The following CSMD3 variants were observed in gnomAD, a reference collection of about 807,000 sequenced individuals.
CSMD3 encodes the protein CUB and sushi domain-containing protein 3.
A neutral mutation model predicts 435.2 loss-of-function variants in CSMD3; 177 were observed. That is an observed-to-expected ratio of 0.41 (90% CI 0.36 to 0.46). The LOEUF (loss-of-function observed/expected upper bound fraction) is 0.46. CSMD3 is among the 20% of genes least tolerant of loss of function. The probability of loss-of-function intolerance (pLI) is 0.34; values close to 1 mark genes in which losing one functional copy is unlikely to be tolerated. For synonymous variants in CSMD3, 1,656 were observed against 1,520.5 expected (o/e 1.09, Z -2.07); for missense variants, 4,265 against 4,504.6 (o/e 0.95, Z 1.52).
intron 4 of CSMD3, among the ~76,000 whole-genome samples, chr8:113,160,562 A>G (rs966840134): frequency 2.6e-5 from 4 of 152,062 alleles, no homozygotes; most frequent in African/African-American, 9.6e-5. Context: ...AACTTTTGAT[A>G]GTTGGTAGAA....
intron 5 of CSMD3, among the ~76,000 whole-genome samples, chr8:113,033,796 T>C (rs1336327392): frequency 1.3e-5 from 2 of 151,344 alleles, no homozygotes; most frequent in Non-Finnish European, 3.0e-5. Flanking sequence ...ATTATTTGGC[T>C]CTGTATCCCC....
intron 12 of CSMD3, among the ~76,000 whole-genome samples, chr8:112,825,581 G>A (rs1442130488): frequency 6.6e-6 from 1 of 152,074 alleles, no homozygotes; most frequent in Non-Finnish European, 1.5e-5. Flanking sequence ...CAATGGTCAG[G>A]TCCATCTTCT....
intron 22 of CSMD3, among the ~76,000 whole-genome samples, chr8:112,599,173 GA>G (rs756080621): frequency 2.2e-5 from 3 of 135,778 alleles, no homozygotes; most frequent in East Asian, 2.1e-4. Flanking sequence ...AAATTTAAAA[GA>G]AAAAAAAAAC....
At chr8:112,426,447 C>G (rs1177173015) in intron 32 of CSMD3, among the ~76,000 whole-genome samples, 1 of 152,102 alleles carries the variant, frequency 6.6e-6, no homozygotes, top group African/African-American at 2.4e-5. Context: ...TGCCTGGCCA[C>G]TCTGTGACTC....
At chr8:113,022,563 CTAGAAA>C (rs1448179033) in intron 5 of CSMD3, among the ~76,000 whole-genome samples, 1 of 151,536 alleles carries the variant, frequency 6.6e-6, no homozygotes, top group Non-Finnish European at 1.5e-5. Flanking sequence ...TAAAGAATTT[CTAGAAA>C]TAAAGTTTCC....
chr8:112,314,032 C>G lies in CSMD3; in HGVS notation c.7570G>C (p.Val2524Leu), dbSNP rs986833776. The G allele has an allele frequency of 1.4e-5, 22 of 1,609,656 alleles. No individual in the cohort carries two copies. Among genetic ancestry groups the G allele is most frequent in the Non-Finnish European group, 1.7e-5 (20 of 1,176,488 alleles). The change falls in exon 49 of 71, where the codon GTG becomes CTG. Residue 2524 changes from valine (V) to leucine (L), a missense_variant. Val to Leu is a conservative substitution (Grantham distance 32). Coordinates refer to ENST00000297405, the MANE Select transcript of CSMD3 (RefSeq NM_198123.2). ...TAATCCCCACTGAGGGAAATAAGCACTGGACTTTGAATATTTGGTCCTTTG... is the reference window on the plus strand; with the variant it reads ...TAATCCCCACTGAGGGAAATAAGCAGTGGACTTTGAATATTTGGTCCTTTG... ...VYDGPNIQSP[V>L]LISLSGDYSS...
intron 1 of CSMD3, among the ~76,000 whole-genome samples, chr8:113,409,507 T>C (rs1170250529): frequency 1.3e-5 from 2 of 152,232 alleles, no homozygotes; most frequent in Non-Finnish European, 2.9e-5. Flanking sequence ...CACAATGGTA[T>C]GCCTTGACCG....
At chr8:112,831,314 C>A (rs1344651815) in intron 11 of CSMD3, among the ~76,000 whole-genome samples, 1 of 131,180 alleles carries the variant, frequency 7.6e-6, no homozygotes, top group Non-Finnish European at 1.6e-5. Flanking sequence ...GATTGTTTCC[C>A]ATTTTCTTTC....
At chr8:113,202,803 C>G (rs1168344477) in intron 3 of CSMD3, among the ~76,000 whole-genome samples, 1 of 152,060 alleles carries the variant, frequency 6.6e-6, no homozygotes, top group Non-Finnish European at 1.5e-5. Flanking sequence ...AGACTTTATA[C>G]TAACATATAG....
intron 32 of CSMD3, among the ~76,000 whole-genome samples, chr8:112,440,814 G>C (rs1489178444): frequency 6.6e-6 from 1 of 152,184 alleles, no homozygotes; most frequent in African/African-American, 2.4e-5. Context: ...GAAGCAGCTG[G>C]GATGCAGGTC....
chr8:112,704,826 CTT>C (rs2076464708), intron 13 of CSMD3, among the ~76,000 whole-genome samples: 1 of 152,088 alleles, frequency 6.6e-6, no homozygotes, highest in African/African-American at 2.4e-5. Flanking sequence ...CCTCATAACA[CTT>C]TGAAACGCTC....
chr8:112,979,483 G>T (rs532881288), intron 6 of CSMD3, among the ~76,000 whole-genome samples: 1 of 151,532 alleles, frequency 6.6e-6, no homozygotes, highest in South Asian at 2.1e-4. Context: ...CCACTTAACA[G>T]TTTAAAAATA....
chr8:112,801,023 C>T (rs1236731051), intron 12 of CSMD3, among the ~76,000 whole-genome samples: 5 of 151,746 alleles, frequency 3.3e-5, no homozygotes, highest in Non-Finnish European at 5.9e-5. Context: ...CCTTAGGTTG[C>T]GGGGAAGTCC....
intron 5 of CSMD3, among the ~76,000 whole-genome samples, chr8:113,049,220 C>G (rs2087976112): frequency 6.6e-6 from 1 of 152,084 alleles, no homozygotes; most frequent in South Asian, 2.1e-4. Flanking sequence ...GCCTAGGTGA[C>G]AGAGCGAAAA....
intron 10 of CSMD3, among the ~76,000 whole-genome samples, chr8:112,860,307 A>G (rs924975528): frequency 5.3e-5 from 8 of 151,918 alleles, no homozygotes; most frequent in South Asian, 2.1e-4. Context: ...CTTGATGGTT[A>G]TATCTTGTGT....
At chr8:112,711,992 T>C (rs919729607) in intron 13 of CSMD3, among the ~76,000 whole-genome samples, 3 of 152,248 alleles carry the variant, frequency 2.0e-5, no homozygotes, top group Non-Finnish European at 4.4e-5. Flanking sequence ...TGGCGGTATG[T>C]GGACTTTTGT....
chr8:113,262,161 T>A (rs1354024076), intron 3 of CSMD3, among the ~76,000 whole-genome samples: 1 of 152,042 alleles, frequency 6.6e-6, no homozygotes, highest in African/African-American at 2.4e-5. Flanking sequence ...TGAAGCATAA[T>A]ATATGATTAT....
intron 32 of CSMD3, among the ~76,000 whole-genome samples, chr8:112,425,098 A>C (rs1812928382): frequency 6.6e-6 from 1 of 152,236 alleles, no homozygotes; most frequent in Non-Finnish European, 1.5e-5. Flanking sequence ...AATTCTTTAC[A>C]GTTAAATGAT....
chr8:112,517,866 G>A (rs760641360), intron 27 of CSMD3, among the ~76,000 whole-genome samples: 4 of 152,240 alleles, frequency 2.6e-5, no homozygotes, highest in African/African-American at 4.8e-5. Context: ...ACTTTCTTAC[G>A]AAACTAACCA....
Sources: allele counts gnomAD v4.1 joint callset (sites outside exome capture counted in the v4.1 genomes callset), GRCh38; gene constraint gnomAD v4.1.1; transcripts MANE v1.5; gene names NCBI Gene and HGNC (gene_info 2026-07-23, HGNC 2026-07-21).